The following ANKIB1 variants were observed in gnomAD, a reference collection of about 807,000 sequenced individuals.
ANKIB1 encodes ankyrin repeat and IBR domain-containing protein 1.
A neutral mutation model predicts 122.1 loss-of-function variants in ANKIB1; 43 were observed. The observed-to-expected ratio is 0.35, with a 90% CI of 0.28 to 0.45. The LOEUF (loss-of-function observed/expected upper bound fraction) is 0.45. Ranked by LOEUF, ANKIB1 falls within the 20% of genes least tolerant of loss-of-function variation. The probability of loss-of-function intolerance (pLI) is 1.00; values close to 1 mark genes in which losing one functional copy is unlikely to be tolerated. For synonymous variants in ANKIB1, 390 were observed against 442.0 expected (o/e 0.88, Z 1.48); for missense variants, 992 against 1,329.5 (o/e 0.75, Z 3.95).
At chr7:92,276,821 T>G (rs1252484791) in intron 1 of ANKIB1, among the ~76,000 whole-genome samples, 1 of 152,206 alleles carries the variant, frequency 6.6e-6, no homozygotes, top group African/African-American at 2.4e-5. Flanking sequence ...AGGAGTGCAT[T>G]TCCAGAGGAC....
At chr7:92,268,806 T>G (rs1461527374) in intron 1 of ANKIB1, among the ~76,000 whole-genome samples, 1 of 152,216 alleles carries the variant, frequency 6.6e-6, no homozygotes, top group East Asian at 1.9e-4. Context: ...GACTTAATAT[T>G]AACACTACCA....
intron 1 of ANKIB1, among the ~76,000 whole-genome samples, chr7:92,275,546 G>A (rs970621680): frequency 5.9e-5 from 9 of 152,134 alleles, no homozygotes; most frequent in Non-Finnish European, 8.8e-5. Flanking sequence ...TGTGAGGGAC[G>A]GTCCTACACA....
chr7:92,392,643 TA>T (rs1437797672), intron 17 of ANKIB1, among the ~76,000 whole-genome samples: 2 of 152,052 alleles, frequency 1.3e-5, no homozygotes, highest in Non-Finnish European at 2.9e-5. Flanking sequence ...CTATTAAAAA[TA>T]TAAAAGAACA....
rs1232619920 is a variant in ANKIB1, at chr7:92,322,668, A to G, written c.669+3156A>G. The stretch of plus-strand genomic sequence containing the variant: ...GTATTCTATATTTTTTCAACTTAAC[A>G]ATATATCATGAACATCTCTCCTAAG... On this transcript the variant is annotated intron_variant, in intron 4 of 19. Transcript: ENST00000265742. Among the ~76,000 whole-genome samples, 4 of 152,276 alleles carry G rather than the reference A, an allele frequency of 2.6e-5. No individual in the cohort carries two copies. The South Asian group carries it at 8.3e-4, about 32-fold the overall frequency.
intron 1 of ANKIB1, among the ~76,000 whole-genome samples, chr7:92,266,811 T>C (rs906900991): frequency 1.3e-5 from 2 of 152,224 alleles, no homozygotes; most frequent in Non-Finnish European, 2.9e-5. Flanking sequence ...AGAAGCCTAC[T>C]GAGAGAAACA....
chr7:92,307,697 T>G (rs1802591582), intron 3 of ANKIB1, 41 bp downstream of exon 3: 1 of 1,373,516 alleles, frequency 7.3e-7, no homozygotes, highest in Admixed American at 3.3e-5. Flanking sequence ...TTGTAAAATT[T>G]GTATCCAGGT....
chr7:92,341,310 A>C (rs79369627), intron 5 of ANKIB1, among the ~76,000 whole-genome samples: 1 of 126,088 alleles, frequency 7.9e-6, no homozygotes, highest in African/African-American at 3.5e-5. Context: ...ACCCTGTCTC[A>C]AAAAAAAAAA....
At chr7:92,325,806 T>G (rs1356463579) in intron 4 of ANKIB1, 7 of 283,676 alleles carry the variant, frequency 2.5e-5, no homozygotes. Flanking sequence ...GCAGTTTGTA[T>G]AATAGGCTGT....
chr7:92,331,190 A>G (rs1305876019), intron 5 of ANKIB1, among the ~76,000 whole-genome samples: 4 of 151,922 alleles, frequency 2.6e-5, no homozygotes, highest in Admixed American at 6.6e-5. Flanking sequence ...AAGCATTTCC[A>G]TTTAGATTAG....
intron 9 of ANKIB1, among the ~76,000 whole-genome samples, chr7:92,361,066 G>C (rs1803933385): frequency 6.6e-6 from 1 of 152,052 alleles, no homozygotes; most frequent in Non-Finnish European, 1.5e-5. Context: ...TTTTAAAATA[G>C]CACTGATGGT....
At chr7:92,348,790 A>G (rs1803598168) in intron 7 of ANKIB1, among the ~76,000 whole-genome samples, 1 of 151,808 alleles carries the variant, frequency 6.6e-6, no homozygotes, top group African/African-American at 2.4e-5. Flanking sequence ...ATGCCAAGGG[A>G]AAAAAAAAGT....
chr7:92,324,306 T>C (rs1242797170), intron 4 of ANKIB1, among the ~76,000 whole-genome samples: 1 of 152,220 alleles, frequency 6.6e-6, no homozygotes, highest in East Asian at 1.9e-4. Context: ...CGATCTCAGC[T>C]CACTGGAGCC....
At chr7:92,292,980 A>G (rs1468098038) in intron 1 of ANKIB1, among the ~76,000 whole-genome samples, 2 of 152,330 alleles carry the variant, frequency 1.3e-5, no homozygotes, top group East Asian at 3.9e-4. Context: ...AAAAAAATCA[A>G]TAATAACGCT....
intron 1 of ANKIB1, among the ~76,000 whole-genome samples, chr7:92,267,127 GAGA>G (rs1441038674): frequency 3.9e-5 from 6 of 152,332 alleles, no homozygotes; most frequent in East Asian, 1.9e-4. Context: ...CAACTCTTTC[GAGA>G]AGAAGATTTA....
chr7:92,288,441 A>G (rs1802181011), intron 1 of ANKIB1, among the ~76,000 whole-genome samples: 1 of 152,220 alleles, frequency 6.6e-6, no homozygotes, highest in South Asian at 2.1e-4. Context: ...ACAATATAGT[A>G]TTGCTAAAAA....
intron 1 of ANKIB1, among the ~76,000 whole-genome samples, chr7:92,281,132 A>G (rs1327593495): frequency 6.6e-6 from 1 of 152,232 alleles, no homozygotes; most frequent in Non-Finnish European, 1.5e-5. Context: ...GGAATCATAC[A>G]ATACTTATGT....
At chr7:92,327,542 A>G (rs1446569871) in intron 4 of ANKIB1, among the ~76,000 whole-genome samples, 1 of 152,186 alleles carries the variant, frequency 6.6e-6, no homozygotes, top group African/African-American at 2.4e-5. Context: ...CAATGCAAAT[A>G]ATATGTAATT....
intron 1 of ANKIB1, among the ~76,000 whole-genome samples, chr7:92,291,570 T>TG (rs1246496069): frequency 2.9e-4 from 42 of 145,002 alleles, no homozygotes; most frequent in Non-Finnish European, 5.3e-4. Flanking sequence ...TCTTTTTCTT[T>TG]TTTTTTTTTT....
At chr7:92,323,232 A>G (rs1802951443) in intron 4 of ANKIB1, among the ~76,000 whole-genome samples, 1 of 152,136 alleles carries the variant, frequency 6.6e-6, no homozygotes, top group African/African-American at 2.4e-5. Context: ...CTTTTATTTC[A>G]TTAGTATATT....
Sources: gnomAD v4.1 joint callset for allele counts (sites outside exome capture counted in the v4.1 genomes callset) on GRCh38, gnomAD v4.1.1 for gene constraint, MANE v1.5 for transcripts, NCBI Gene and HGNC (gene_info 2026-07-23, HGNC 2026-07-21) for gene names.